Variants in PDE4D observed in about 807,000 individuals in gnomAD.
The protein encoded by PDE4D is 3',5'-cyclic-AMP phosphodiesterase 4D.
Under a neutral mutation model 87.4 loss-of-function variants are expected in PDE4D, and 24 were observed. That is an observed-to-expected ratio of 0.27 (90% CI 0.20 to 0.39). The LOEUF (loss-of-function observed/expected upper bound fraction) is 0.39. Among genes scored for constraint, PDE4D ranks in the 10% least tolerant of loss-of-function variants. The pLI is 1.00. For missense variants in PDE4D, 714 were observed against 1,041.0 expected (o/e 0.69, Z 4.32); for synonymous variants, 384 against 383.2 (o/e 1.00, Z -0.02).
At chr5:60,238,093 T>C (rs1334139399) in intron 1 of PDE4D, among the ~76,000 whole-genome samples, 1 of 151,982 alleles carries the variant, frequency 6.6e-6, no homozygotes, top group Non-Finnish European at 1.5e-5. Flanking sequence ...AATATTGTTT[T>C]GAATGTCCTA....
intron 3 of PDE4D, among the ~76,000 whole-genome samples, chr5:59,906,461 GCTAT>G (rs917966185): frequency 4.6e-5 from 7 of 152,168 alleles, no homozygotes; most frequent in Non-Finnish European, 7.4e-5. Flanking sequence ...AATTCAGCTC[GCTAT>G]CTGTTTTTGT....
intron 1 of PDE4D, among the ~76,000 whole-genome samples, chr5:59,509,364 G>C (rs1434655992): frequency 6.6e-6 from 1 of 150,846 alleles, no homozygotes; most frequent in Non-Finnish European, 1.5e-5. Context: ...CCTACTATTG[G>C]AGAGTCACTA....
intron 1 of PDE4D, among the ~76,000 whole-genome samples, chr5:60,347,047 A>T (rs55751723): frequency 0.092 from 14,070 of 152,208 alleles, 770 homozygotes; most frequent in African/African-American, 0.15. Context: ...GAACAAATAG[A>T]CAAACAAAAC....
intron 2 of PDE4D, among the ~76,000 whole-genome samples, chr5:59,996,308 A>G (rs561394626): frequency 6.6e-6 from 1 of 152,330 alleles, no homozygotes; most frequent in East Asian, 1.9e-4. Flanking sequence ...CCAATGCCAC[A>G]TTCCTTTTTT....
At chr5:59,368,353 C>A (rs888083200) in intron 1 of PDE4D, among the ~76,000 whole-genome samples, 2 of 152,060 alleles carry the variant, frequency 1.3e-5, no homozygotes, top group East Asian at 1.9e-4. Context: ...CATTAAAAAT[C>A]AAAAATTGTC....
chr5:59,500,619 G>A (rs1808134189), intron 1 of PDE4D, among the ~76,000 whole-genome samples: 1 of 151,920 alleles, frequency 6.6e-6, no homozygotes, highest in South Asian at 2.1e-4. Context: ...GTGGGAGGAG[G>A]GAGGTGAGCA....
At chr5:60,060,599 T>C (rs988703766) in intron 2 of PDE4D, among the ~76,000 whole-genome samples, 7 of 152,134 alleles carry the variant, frequency 4.6e-5, no homozygotes, top group African/African-American at 1.4e-4. Flanking sequence ...TCAACTGTCC[T>C]ACATGTTCCT....
At chr5:59,114,945 A>G (rs140417320) in intron 5 of PDE4D, among the ~76,000 whole-genome samples, 2 of 152,242 alleles carry the variant, frequency 1.3e-5, no homozygotes, top group South Asian at 2.1e-4. Flanking sequence ...GCGAAAATCA[A>G]TAGAGATATG....
intron 3 of PDE4D, among the ~76,000 whole-genome samples, chr5:59,915,273 G>A (rs1389194059): frequency 6.6e-6 from 1 of 152,164 alleles, no homozygotes; most frequent in Non-Finnish European, 1.5e-5. Context: ...ACAGTCTGAG[G>A]ATTGAATTGG....
intron 1 of PDE4D, among the ~76,000 whole-genome samples, chr5:59,271,883 G>C (rs189784191): frequency 2.2e-3 from 336 of 151,420 alleles, no homozygotes; most frequent in African/African-American, 7.8e-3. Context: ...GAAGAAAAGA[G>C]AGGCAGTCCC....
At chr5:60,061,792 C>T (rs536993801) in intron 2 of PDE4D, among the ~76,000 whole-genome samples, 4 of 152,060 alleles carry the variant, frequency 2.6e-5, no homozygotes, top group Admixed American at 2.6e-4. Context: ...CTTCAACAAA[C>T]TTGACAAAAA....
chr5:59,943,272 C>G (rs1020965654), intron 3 of PDE4D, among the ~76,000 whole-genome samples: 1 of 151,832 alleles, frequency 6.6e-6, no homozygotes, highest in Non-Finnish European at 1.5e-5. Context: ...GTGAAGAAGG[C>G]AGTGGAGCTC....
intron 6 of PDE4D, among the ~76,000 whole-genome samples, chr5:59,020,840 C>T (rs1755025421): frequency 6.6e-6 from 1 of 152,160 alleles, no homozygotes; most frequent in African/African-American, 2.4e-5. Flanking sequence ...CTCTTACCGG[C>T]TGTGGCTAGC....
At chr5:60,090,542 A>G (rs1775015278) in intron 2 of PDE4D, among the ~76,000 whole-genome samples, 1 of 152,150 alleles carries the variant, frequency 6.6e-6, no homozygotes, top group Non-Finnish European at 1.5e-5. Context: ...AACAATAAAG[A>G]TCTTACATGA....
chr5:60,257,910 C>T (rs1583231787), intron 1 of PDE4D, among the ~76,000 whole-genome samples: 2 of 151,898 alleles, frequency 1.3e-5, no homozygotes. Context: ...CAAACCATAG[C>T]GAGCTGTTGC....
chr5:59,215,272 T>C (rs1443283989), intron 2 of PDE4D, among the ~76,000 whole-genome samples: 1 of 152,186 alleles, frequency 6.6e-6, no homozygotes, highest in African/African-American at 2.4e-5. Flanking sequence ...GGTTTAATTT[T>C]GGCAAAGTCC....
intron 1 of PDE4D, among the ~76,000 whole-genome samples, chr5:59,811,919 AC>A (rs1768392326): frequency 6.6e-6 from 1 of 152,206 alleles, no homozygotes; most frequent in African/African-American, 2.4e-5. Context: ...TCATATCTCT[AC>A]CAGTTGACTG....
intron 1 of PDE4D, among the ~76,000 whole-genome samples, chr5:60,347,017 A>G (rs543750815): frequency 6.6e-6 from 1 of 152,316 alleles, no homozygotes; most frequent in African/African-American, 2.4e-5. Context: ...CAGAGCTTAT[A>G]TTCTGAATTG....
chr5:59,627,587 AG>A (rs1200602422), intron 1 of PDE4D, among the ~76,000 whole-genome samples: 3 of 152,176 alleles, frequency 2.0e-5, no homozygotes, highest in Admixed American at 2.0e-4. Flanking sequence ...TGCCTCCTTT[AG>A]GGGTGTGGTT....
Sources: gnomAD v4.1 joint callset for allele counts (sites outside exome capture counted in the v4.1 genomes callset) on GRCh38, gnomAD v4.1.1 for gene constraint, MANE v1.5 for transcripts, NCBI Gene and HGNC (gene_info 2026-07-23, HGNC 2026-07-21) for gene names.